SSBP2: variants seen among roughly 807,000 people sequenced by gnomAD.
SSBP2 encodes single-stranded DNA-binding protein 2.
Under a neutral mutation model 61.8 loss-of-function variants are expected in SSBP2, and 17 were observed. The observed-to-expected ratio is 0.28, with a 90% CI of 0.19 to 0.41. The LOEUF (loss-of-function observed/expected upper bound fraction) is 0.41, where lower values mean the gene tolerates loss of function less well. SSBP2 is among the 10% of genes least tolerant of loss of function. The pLI, the probability that SSBP2 is intolerant of heterozygous loss-of-function variation, is 1.00. For missense variants in SSBP2, 310 were observed against 458.7 expected (o/e 0.68, Z 2.96); for synonymous variants, 139 against 141.3 (o/e 0.98, Z 0.12).
intron 2 of SSBP2, among the ~76,000 whole-genome samples, chr5:81,641,225 C>G (rs1019703448): frequency 6.6e-6 from 1 of 151,944 alleles, no homozygotes; most frequent in Admixed American, 6.6e-5. Flanking sequence ...CCAGCTGTCT[C>G]GGGAGATAAA....
chr5:81,451,576 GC>G (rs1763774610), intron 10 of SSBP2, among the ~76,000 whole-genome samples: 1 of 152,144 alleles, frequency 6.6e-6, no homozygotes, highest in African/African-American at 2.4e-5. Context: ...ACAGGTGCCT[GC>G]TATCACGCCC....
chr5:81,465,813 TAAG>T (rs1764852693), intron 9 of SSBP2, among the ~76,000 whole-genome samples: 1 of 152,032 alleles, frequency 6.6e-6, no homozygotes, highest in Non-Finnish European at 1.5e-5. Flanking sequence ...TTGAGGAATT[TAAG>T]AAGAGTCGGA....
At chr5:81,472,210 TTA>T (rs550962009) in intron 8 of SSBP2, among the ~76,000 whole-genome samples, 186 of 152,318 alleles carry the variant, frequency 1.2e-3, no homozygotes, top group African/African-American at 4.4e-3. Context: ...GGATTTTAAA[TTA>T]GTTTCTTTGA....
chr5:81,714,242 C>CT (rs1293665225), intron 1 of SSBP2, among the ~76,000 whole-genome samples: 2 of 152,076 alleles, frequency 1.3e-5, no homozygotes, highest in South Asian at 2.1e-4. Flanking sequence ...TGAACTCATC[C>CT]TTTTTTATGG....
intron 5 of SSBP2, among the ~76,000 whole-genome samples, chr5:81,501,469 A>G (rs981134460): frequency 2.7e-5 from 4 of 149,610 alleles, no homozygotes; most frequent in Middle Eastern, 3.4e-3. Context: ...GTAATTAATT[A>G]TACTTTACTC....
chr5:81,487,598 T>A (rs933924731), intron 6 of SSBP2, among the ~76,000 whole-genome samples: 5 of 152,094 alleles, frequency 3.3e-5, no homozygotes, highest in African/African-American at 1.2e-4. Flanking sequence ...ATTCTTTTTT[T>A]AATATTATTA....
intron 10 of SSBP2, among the ~76,000 whole-genome samples, chr5:81,450,210 A>T (rs954357680): frequency 6.6e-6 from 1 of 152,086 alleles, no homozygotes; most frequent in Non-Finnish European, 1.5e-5. Flanking sequence ...TTTTGTAGAG[A>T]TGGAGTTTTT....
At chr5:81,559,228 A>C (rs1360150940) in intron 4 of SSBP2, among the ~76,000 whole-genome samples, 3 of 152,128 alleles carry the variant, frequency 2.0e-5, no homozygotes, top group African/African-American at 7.2e-5. Flanking sequence ...TCTACTAAAA[A>C]TACAAAAAAT....
chr5:81,463,862 G>A (rs957738839), intron 9 of SSBP2, among the ~76,000 whole-genome samples: 9 of 143,886 alleles, frequency 6.3e-5, no homozygotes, highest in South Asian at 2.2e-4. Context: ...TCCACCTCCC[G>A]GGCTCAAGCC....
At chr5:81,468,864 C>T (rs1395316641) in intron 8 of SSBP2, among the ~76,000 whole-genome samples, 1 of 151,966 alleles carries the variant, frequency 6.6e-6, no homozygotes, top group Non-Finnish European at 1.5e-5. Context: ...ACACTTGAGA[C>T]ATTGGTTAAA....
In SSBP2 at chr5:81,442,633, T is replaced by C. The variant is rs1763107163; in HGVS notation, c.849+20A>G. 2.1e-6 allele frequency: 3 copies of C among 1,432,456 alleles called. No individual in the cohort carries two copies. The highest frequency in any genetic ancestry group is 1.9e-6 in the Non-Finnish European group (2 of 1,034,272). The allele number at this position is 1,432,456 out of a possible 1,614,324, so 88.7% of individuals were successfully genotyped here. Reference sequence around the variant, plus strand: ...AAAGTCTTCAAATACATTCCAAAAATAAAAAAAGTTCATATTTACATTAGG... The same window carrying C: ...AAAGTCTTCAAATACATTCCAAAAACAAAAAAAGTTCATATTTACATTAGG... On this transcript the variant is annotated intron_variant, in intron 13 of 16. Transcript: ENST00000320672.
At chr5:81,717,534 T>C (rs1755243349) in intron 1 of SSBP2, among the ~76,000 whole-genome samples, 1 of 152,132 alleles carries the variant, frequency 6.6e-6, no homozygotes, top group Non-Finnish European at 1.5e-5. Context: ...ACCCATTAAC[T>C]TACCTCTTGG....
intron 1 of SSBP2, among the ~76,000 whole-genome samples, chr5:81,666,888 T>C (rs1052520004): frequency 2.0e-5 from 3 of 152,198 alleles, no homozygotes; most frequent in Non-Finnish European, 2.9e-5. Context: ...GGTGGCTTCT[T>C]AATACTTGTT....
chr5:81,494,446 G>C (rs1245516242), intron 5 of SSBP2, among the ~76,000 whole-genome samples: 1 of 152,176 alleles, frequency 6.6e-6, no homozygotes, highest in Non-Finnish European at 1.5e-5. Context: ...TCTCCAATGT[G>C]ATGGTATTTG....
chr5:81,730,456 CT>C (rs1756188242), intron 1 of SSBP2, among the ~76,000 whole-genome samples: 1 of 152,172 alleles, frequency 6.6e-6, no homozygotes, highest in Non-Finnish European at 1.5e-5. Context: ...AGCTCCTGAC[CT>C]CAGGTGATCC....
At chr5:81,479,287 T>C (rs1169737942) in intron 6 of SSBP2, among the ~76,000 whole-genome samples, 1 of 152,122 alleles carries the variant, frequency 6.6e-6, no homozygotes, top group Non-Finnish European at 1.5e-5. Flanking sequence ...TGGCATGCAT[T>C]GTTCTTTTTT....
chr5:81,658,597 T>C (rs1581270147), intron 1 of SSBP2, among the ~76,000 whole-genome samples: 1 of 152,294 alleles, frequency 6.6e-6, no homozygotes, highest in South Asian at 2.1e-4. Context: ...CAAATATTTT[T>C]TATCCTTGAA....
chr5:81,719,392 A>G (rs1755393469), intron 1 of SSBP2, among the ~76,000 whole-genome samples: 1 of 152,210 alleles, frequency 6.6e-6, no homozygotes, highest in Non-Finnish European at 1.5e-5. Flanking sequence ...TTACTTCTCA[A>G]AAGAGATGTC....
intron 4 of SSBP2, among the ~76,000 whole-genome samples, chr5:81,578,841 T>C (rs114043755): frequency 0.012 from 1,773 of 152,082 alleles, 27 homozygotes; most frequent in African/African-American, 0.04. Flanking sequence ...CTTGCTATTT[T>C]GTACGATGGG....
Sources: gnomAD v4.1 joint callset for allele counts (sites outside exome capture counted in the v4.1 genomes callset) on GRCh38, gnomAD v4.1.1 for gene constraint, MANE v1.5 for transcripts, NCBI Gene and HGNC (gene_info 2026-07-23, HGNC 2026-07-21) for gene names.